Variants in CACNG8 observed in about 807,000 individuals in gnomAD.
CACNG8 encodes the protein calcium voltage-gated channel auxiliary subunit gamma 8, also known as voltage-dependent calcium channel gamma-8 subunit.
A neutral mutation model predicts 26.9 loss-of-function variants in CACNG8; 5 were observed. The ratio of observed to expected loss-of-function variants is 0.19; its 90% CI spans 0.10 to 0.39. The LOEUF is 0.39. CACNG8 is among the 10% of genes least tolerant of loss of function. The probability of loss-of-function intolerance (pLI) is 1.00; values close to 1 mark genes in which losing one functional copy is unlikely to be tolerated. For synonymous variants in CACNG8, 321 were observed against 296.7 expected, an observed-to-expected ratio of 1.08 and a Z score of -0.84; for missense variants, 473 against 609.4, an observed-to-expected ratio of 0.78 and a Z score of 2.36.
rs2069279259 is a variant in CACNG8 at position 53,967,697 on chromosome 19, T to TG, written c.283+4274dup. On this transcript the variant is annotated intron_variant, in intron 1 of 3. Transcript: ENST00000270458. Reference sequence around the variant, plus strand: ...TAAAAATACGAAAATTAGCCAGGCGTGGTGGCACGCGCCTGTAGTCCCAGC... The same window carrying TG: ...TAAAAATACGAAAATTAGCCAGGCGTGGGTGGCACGCGCCTGTAGTCCCAGC... Among the ~76,000 whole-genome samples the TG allele has an allele frequency of 4.6e-5, 7 of 152,160 alleles. No homozygotes were observed. The South Asian group carries it at 1.5e-3, about 32-fold the overall frequency.
At chr19:53,974,500 G>C (rs1348360491) in intron 1 of CACNG8, among the ~76,000 whole-genome samples, 2 of 152,088 alleles carry the variant, frequency 1.3e-5, no homozygotes, top group African/African-American at 4.8e-5. Flanking sequence ...ATCATATGAT[G>C]ATTCTATTTG....
In CACNG8 at chr19:53,988,114, G is replaced by C. The variant is rs1157073881; in HGVS notation, c.*5265G>C. 1 of 152,572 alleles carries C rather than the reference G, an allele frequency of 6.6e-6. No individual in the cohort carries two copies. The highest frequency in any genetic ancestry group is 1.5e-5 in the Non-Finnish European group (1 of 68,150). 9.5% of individuals were successfully genotyped at this position (152,572 alleles called of 1,614,324 possible). ...CTGCTGAGACTTGGACAAGGATGCA[G>C]AGAGCAGAGTGACCATTAGGTCTGA... On this transcript the variant is annotated 3_prime_UTR_variant, in exon 4 of 4. Transcript: ENST00000270458.
In CACNG8 at chr19:53,985,117, C is replaced by G. The variant is rs2145944372; in HGVS notation, c.*2268C>G. ...GGCAGAGGGGACAGCGCCCAGTAGG[C>G]TTCCCTTCCATATTTGCTCAGCAAG... On this transcript the variant is annotated 3_prime_UTR_variant, in exon 4 of 4. Coordinates refer to ENST00000270458, the MANE Select transcript of CACNG8 (RefSeq NM_031895.6). 6.6e-6 allele frequency: 1 copy of G among 152,398 alleles called. No homozygotes were observed. The highest frequency in any genetic ancestry group is 2.4e-5 in the African/African-American group (1 of 41,538). The allele number at this position is 152,398 out of a possible 1,614,324, so 9.4% of individuals were successfully genotyped here.
chr19:53,990,145 C>A lies in CACNG8; in HGVS notation c.*7296C>A. ...GCCACACGGCTGTCCTCTGTCCCTGCTCCTGGGGGAGCTGAAACTGCATGG... is the reference window on the plus strand; with the variant it reads ...GCCACACGGCTGTCCTCTGTCCCTGATCCTGGGGGAGCTGAAACTGCATGG... On this transcript the variant is annotated 3_prime_UTR_variant, in exon 4 of 4. Coordinates refer to ENST00000270458, the MANE Select transcript of CACNG8 (RefSeq NM_031895.6). 6.5e-6 allele frequency: 1 copy of A among 152,680 alleles called. No individual in the cohort carries two copies. The highest frequency in any genetic ancestry group is 1.5e-5 in the Non-Finnish European group (1 of 68,286). 9.5% of individuals were successfully genotyped at this position (152,680 alleles called of 1,614,324 possible).
In CACNG8 at chr19:53,979,916, G is replaced by C; in HGVS notation, c.417G>C (p.Leu139=). ...TCCCCATCCTTAGCGCCATCCTGCT[G>C]CTGCTCGGGGGTGTGTGCGTGGCGG... The change falls in exon 3 of 4, where the codon CTG becomes CTC. Residue 139 remains leucine (L), a synonymous_variant. Transcript: ENST00000270458. The C allele has an allele frequency of 6.2e-7, 1 of 1,611,040 alleles. No homozygotes were observed. The highest frequency in any genetic ancestry group is 8.5e-7 in the Non-Finnish European group (1 of 1,178,370).
intron 2 of CACNG8, 24 bp downstream of exon 2, chr19:53,978,253 G>C: frequency 6.3e-7 from 1 of 1,590,420 alleles, no homozygotes; most frequent in Non-Finnish European, 8.6e-7. Flanking sequence ...CGGGACAGAC[G>C]TGGGGAGTGG....
chr19:53,966,165 G>C (rs1223899279), intron 1 of CACNG8, among the ~76,000 whole-genome samples: 4 of 152,050 alleles, frequency 2.6e-5, no homozygotes, highest in Non-Finnish European at 5.9e-5. Context: ...TTGGCTTACT[G>C]CAACTTCGGC....
Position 53,963,054 on chromosome 19 carries a change from G to C in CACNG8, c.-89G>C. On this transcript the variant is annotated 5_prime_UTR_variant, in exon 1 of 4. Transcript: ENST00000270458. Reference sequence around the variant, plus strand: ...GGCCCCGGGCCCCCCGCTTCTGCCTGCGCTGTGAACCCCCCCCCAGCCGCC... The same window carrying C: ...GGCCCCGGGCCCCCCGCTTCTGCCTCCGCTGTGAACCCCCCCCCAGCCGCC... 1.6e-6 allele frequency: 1 copy of C among 626,414 alleles called. No homozygotes were observed. The highest frequency in any genetic ancestry group is 2.3e-6 in the Non-Finnish European group (1 of 433,238). 38.8% of individuals were successfully genotyped at this position (626,414 alleles called of 1,614,324 possible).
In CACNG8 at chr19:53,963,335, A is replaced by AC. The variant is rs1325553000; in HGVS notation, c.199dup (p.His67ProfsTer69). The AC allele has an allele frequency of 1.3e-6, 2 of 1,597,522 alleles. No individual in the cohort carries two copies. The highest frequency in any genetic ancestry group is 8.5e-7 in the Non-Finnish European group (1 of 1,176,600). ...CCTCACGGCCGGCGGCGACGACGGG[A>AC]CCCCCCACCGCGGGGGCGGCGGCGC... On this transcript the variant is annotated frameshift_variant, in exon 1 of 4. Transcript: ENST00000270458. LOFTEE classifies it high-confidence loss of function.
chr19:53,963,292 C>T lies in CACNG8; in HGVS notation c.150C>T (p.Leu50=). ...ACTACTGGCTCTACACGCGCGCCCT[C>T]ATCTGCAACACCACCAACCTCACGG... is the stretch of plus-strand genomic sequence containing the variant. The change falls in exon 1 of 4, where the codon CTC becomes CTT. Residue 50 remains leucine, a synonymous_variant. Transcript: ENST00000270458. 1.2e-6 allele frequency: 2 copies of T among 1,608,902 alleles called. No homozygotes were observed. Among genetic ancestry groups the T allele is most frequent in the Non-Finnish European group, 1.7e-6 (2 of 1,179,282 alleles).
chr19:53,967,197 G>A (rs369891101), intron 1 of CACNG8, among the ~76,000 whole-genome samples: 3 of 152,242 alleles, frequency 2.0e-5, no homozygotes, highest in African/African-American at 2.4e-5. Flanking sequence ...GGATAAAATC[G>A]CCCTGAGTTG....
rs1181741150 is a variant in CACNG8, at chr19:53,983,642, G to C, written c.*793G>C. On this transcript the variant is annotated 3_prime_UTR_variant, in exon 4 of 4. Coordinates refer to ENST00000270458, the MANE Select transcript of CACNG8 (RefSeq NM_031895.6). ...TACATACACAATAAATTACAGTTAG[G>C]CTATAGGAGAAACGAGATGCTATGA... The C allele has an allele frequency of 6.6e-6, 1 of 152,240 alleles. No individual in the cohort carries two copies. Among genetic ancestry groups the C allele is most frequent in the Non-Finnish European group, 1.5e-5 (1 of 68,068 alleles). The allele number at this position is 152,240 out of a possible 1,614,324, so 9.4% of individuals were successfully genotyped here. A position where few individuals can be genotyped will look rare whatever the true frequency, so the allele number is the denominator to read the frequency against.
intron 3 of CACNG8, 105 bp downstream of exon 3, chr19:53,980,112 G>A: frequency 1.6e-6 from 2 of 1,246,488 alleles, no homozygotes; most frequent in Non-Finnish European, 2.1e-6. Flanking sequence ...GTGCAAGTGC[G>A]CGTTCGTGTG....
intron 1 of CACNG8, among the ~76,000 whole-genome samples, chr19:53,971,074 G>T (rs139359809): frequency 1.3e-5 from 2 of 151,726 alleles, no homozygotes; most frequent in Non-Finnish European, 2.9e-5. Flanking sequence ...GGTGGATCAC[G>T]TGAGGTCGGG....
rs1270787218 is a variant in CACNG8, at chr19:53,989,283, GAAAGTCAAAGAAAT to G, written c.*6446_*6459del. 1 of 150,716 alleles carries G rather than the reference GAAAGTCAAAGAAAT, an allele frequency of 6.6e-6. No homozygotes were observed. Among genetic ancestry groups the G allele is most frequent in the Non-Finnish European group, 1.5e-5 (1 of 68,126 alleles). The allele number at this position is 150,716 out of a possible 1,614,324, so 9.3% of individuals were successfully genotyped here. A position where few individuals can be genotyped will look rare whatever the true frequency, so the allele number is the denominator to read the frequency against. Reference sequence around the variant, plus strand: ...CCCTGTCTCAGAAAACAGAAAGAAAGAAAGTCAAAGAAATAAAGTCAAAGACAAGAAGGTGATAC... The same window carrying G: ...CCCTGTCTCAGAAAACAGAAAGAAAGAAAGTCAAAGACAAGAAGGTGATAC... On this transcript the variant is annotated 3_prime_UTR_variant, in exon 4 of 4. Transcript: ENST00000270458.
Position 53,982,779 on chromosome 19 carries a change from C to A in CACNG8, c.1208C>A (p.Pro403His). ...CCACCCGCGCCCTCTGCGCCCGCCC[C>A]CGGGACCCTGGCCAAGGAGGCCGCC... is the stretch of plus-strand genomic sequence containing the variant. The change falls in exon 4 of 4, where the codon CCC becomes CAC. Residue 403 changes from proline (P) to histidine (H), a missense_variant. Physicochemically the swap from Pro to His is moderately conservative, Grantham distance 77 (BLOSUM62 -2). Transcript: ENST00000270458. The surrounding 1 kb of genome is among the most constrained non-coding windows in gnomAD (Gnocchi z 8.4). 1 of 1,348,914 alleles carries A rather than the reference C, an allele frequency of 7.4e-7. No homozygotes were observed. The allele number at this position is 1,348,914 out of a possible 1,614,324, so 83.6% of individuals were successfully genotyped here. A position where few individuals can be genotyped will look rare whatever the true frequency, so the allele number is the denominator to read the frequency against.
intron 1 of CACNG8, among the ~76,000 whole-genome samples, chr19:53,964,360 C>T (rs764355601): frequency 6.6e-6 from 1 of 152,032 alleles, no homozygotes; most frequent in Non-Finnish European, 1.5e-5. Context: ...CTCTTTTCTG[C>T]CTTGTGCTTC....
At position 53,983,575 on chromosome 19, in the gene CACNG8, G is replaced by A. The variant is rs1340772417; in HGVS notation, c.*726G>A. ...CAGCCAGGGGCCCCGACGTCTCATA[G>A]AGTAAACATCTTGTGCATGAGACAG... On this transcript the variant is annotated 3_prime_UTR_variant, in exon 4 of 4. Coordinates refer to ENST00000270458, the MANE Select transcript of CACNG8 (RefSeq NM_031895.6). 6.6e-6 allele frequency: 1 copy of A among 152,240 alleles called. No individual in the cohort carries two copies. Among genetic ancestry groups the A allele is most frequent in the Non-Finnish European group, 1.5e-5 (1 of 68,066 alleles). The allele number at this position is 152,240 out of a possible 1,614,324, so 9.4% of individuals were successfully genotyped here.
intron 1 of CACNG8, among the ~76,000 whole-genome samples, chr19:53,976,452 A>G (rs540922812): frequency 6.6e-6 from 1 of 152,316 alleles, no homozygotes; most frequent in African/African-American, 2.4e-5. Context: ...GGGAGCATCA[A>G]ATGAGTTGGC....
Sources: allele counts gnomAD v4.1 joint callset (sites outside exome capture counted in the v4.1 genomes callset), GRCh38; gene constraint gnomAD v4.1.1; non-coding constraint Gnocchi (gnomAD v3.1); transcripts MANE v1.5; gene names NCBI Gene and HGNC (gene_info 2026-07-23, HGNC 2026-07-21).